CDH9: variants seen among roughly 807,000 people sequenced by gnomAD.
CDH9 encodes the protein cadherin 9.
In CDH9, 28 loss-of-function variants were observed where a neutral mutation model predicts 70.9. The ratio of observed to expected loss-of-function variants is 0.40; its 90% CI spans 0.29 to 0.54. The LOEUF (loss-of-function observed/expected upper bound fraction) is 0.54. Ranked by LOEUF, CDH9 falls within the 20% of genes least tolerant of loss-of-function variation. CDH9 has a pLI of 0.59. For missense variants in CDH9, 874 were observed against 984.4 expected, an observed-to-expected ratio of 0.89 and a Z score of 1.50; for synonymous variants, 409 against 343.1, an observed-to-expected ratio of 1.19 and a Z score of -2.12.
chr5:26,961,178 G>T (rs985913634), intron 2 of CDH9, among the ~76,000 whole-genome samples: 2 of 152,014 alleles, frequency 1.3e-5, no homozygotes, highest in Non-Finnish European at 2.9e-5. Flanking sequence ...TAAGCAACAA[G>T]GTGTTTTGAT....
chr5:26,960,780 G>A (rs540410621), intron 2 of CDH9, among the ~76,000 whole-genome samples: 10 of 142,404 alleles, frequency 7.0e-5, no homozygotes, highest in Non-Finnish European at 6.2e-5. Flanking sequence ...TTAGGTAAAA[G>A]TTTTCATTGT....
chr5:26,967,666 T>C (rs937196176), intron 2 of CDH9, among the ~76,000 whole-genome samples: 18 of 152,150 alleles, frequency 1.2e-4, no homozygotes, highest in Admixed American at 1.2e-3. Flanking sequence ...CAACATCCTA[T>C]TTTAAGTTAC....
At chr5:26,937,672 T>C (rs545330381) in intron 2 of CDH9, among the ~76,000 whole-genome samples, 136 of 152,150 alleles carry the variant, frequency 8.9e-4, no homozygotes, top group African/African-American at 3.1e-3. Context: ...TACAAAAATA[T>C]ATAGAAGGAA....
intron 1 of CDH9, among the ~76,000 whole-genome samples, chr5:27,009,227 G>A (rs1742916602): frequency 6.6e-6 from 1 of 152,056 alleles, no homozygotes; most frequent in South Asian, 2.1e-4. Flanking sequence ...GGAGGATCGG[G>A]GATAGTGAGA....
chr5:26,965,516 C>G (rs1742113559), intron 2 of CDH9, among the ~76,000 whole-genome samples: 1 of 151,416 alleles, frequency 6.6e-6, no homozygotes, highest in Non-Finnish European at 1.5e-5. Flanking sequence ...GCAGAGGTTA[C>G]AGTGAGTGGA....
In CDH9 at chr5:26,983,298, T is replaced by A. The variant is rs373673341; in HGVS notation, c.228+4808A>T. On this transcript the variant is annotated intron_variant, in intron 2 of 11. Coordinates refer to ENST00000231021, the MANE Select transcript of CDH9 (RefSeq NM_016279.4). ...TTTCCAAGAATACTAACGGACAATT[T>A]GAATTCAACTTAAGTGAATTTCAGT... Among the ~76,000 whole-genome samples the A allele has an allele frequency of 1.1e-4, 17 of 152,344 alleles. No individual in the cohort carries two copies. In the East Asian group the frequency reaches 1.5e-3, roughly 14 times the overall value.
At chr5:26,946,736 A>G (rs1277984118) in intron 2 of CDH9, among the ~76,000 whole-genome samples, 1 of 152,188 alleles carries the variant, frequency 6.6e-6, no homozygotes, top group Non-Finnish European at 1.5e-5. Flanking sequence ...AGGCCTTCTC[A>G]TGATTCTGTG....
intron 1 of CDH9, 28 bp from the exon 2 acceptor site, chr5:26,988,410 T>G: frequency 6.5e-7 from 1 of 1,537,424 alleles, no homozygotes; most frequent in Non-Finnish European, 8.7e-7. Context: ...AAAAAATGGC[T>G]GTATTAGCTT....
At chr5:26,917,017 C>T (rs1741160806) in intron 2 of CDH9, among the ~76,000 whole-genome samples, 3 of 151,846 alleles carry the variant, frequency 2.0e-5, no homozygotes, top group South Asian at 2.1e-4. Flanking sequence ...GGAGGCTGAT[C>T]ATTGAATATT....
intron 2 of CDH9, among the ~76,000 whole-genome samples, chr5:26,941,034 G>A (rs1741654196): frequency 6.6e-6 from 1 of 152,184 alleles, no homozygotes; most frequent in Non-Finnish European, 1.5e-5. Flanking sequence ...ATCACTGAAT[G>A]AGAAAATGAA....
intron 3 of CDH9, among the ~76,000 whole-genome samples, chr5:26,914,100 T>C (rs998027509): frequency 3.9e-5 from 6 of 152,152 alleles, no homozygotes; most frequent in Non-Finnish European, 8.8e-5. Context: ...CATATTCAAA[T>C]ATTTCCATTA....
chr5:26,975,830 A>C (rs956036865), intron 2 of CDH9, among the ~76,000 whole-genome samples: 3 of 152,174 alleles, frequency 2.0e-5, no homozygotes, highest in African/African-American at 7.2e-5. Flanking sequence ...ATTCCCAGTT[A>C]TGGGTAGTAG....
At chr5:27,020,522 ACTGAATTATTTTAAGTGATGTTATTAT>A (rs1459495978) in intron 1 of CDH9, among the ~76,000 whole-genome samples, 1 of 151,710 alleles carries the variant, frequency 6.6e-6, no homozygotes, top group Non-Finnish European at 1.5e-5. Flanking sequence ...TAGTGTTAGT[ACTGAATTATTTTAAGTGATGTTATTAT>A]AAGGTAAGAT....
intron 8 of CDH9, 131 bp downstream of exon 8, chr5:26,890,297 T>C: frequency 2.8e-6 from 2 of 724,798 alleles, no homozygotes; most frequent in Non-Finnish European, 4.7e-6. Flanking sequence ...TGTGTTGATA[T>C]TCTAAGCCAT....
intron 2 of CDH9, among the ~76,000 whole-genome samples, chr5:26,957,242 A>G (rs1741962259): frequency 6.6e-6 from 1 of 152,100 alleles, no homozygotes; most frequent in Non-Finnish European, 1.5e-5. Context: ...GAATTTTTTA[A>G]TCACATTTGT....
At chr5:27,007,483 A>G (rs533907096) in intron 1 of CDH9, among the ~76,000 whole-genome samples, 1 of 152,266 alleles carries the variant, frequency 6.6e-6, no homozygotes, top group African/African-American at 2.4e-5. Flanking sequence ...GATACATAAT[A>G]TAGTAATCAA....
At chr5:26,913,075 C>A (rs1017517348) in intron 3 of CDH9, among the ~76,000 whole-genome samples, 2 of 152,098 alleles carry the variant, frequency 1.3e-5, no homozygotes, top group Non-Finnish European at 2.9e-5. Context: ...ATTAAATCTC[C>A]TTTTCTTCCC....
intron 2 of CDH9, among the ~76,000 whole-genome samples, chr5:26,936,577 C>T (rs1741562452): frequency 6.6e-6 from 1 of 151,904 alleles, no homozygotes; most frequent in African/African-American, 2.4e-5. Flanking sequence ...GTAAAAAATT[C>T]AGAATAGCCA....
chr5:26,933,610 C>T (rs764523199), intron 2 of CDH9, among the ~76,000 whole-genome samples: 8 of 151,780 alleles, frequency 5.3e-5, no homozygotes, highest in Non-Finnish European at 1.0e-4. Flanking sequence ...TCCATCTCTA[C>T]TAAAAATACA....
Sources: allele counts gnomAD v4.1 joint callset (sites outside exome capture counted in the v4.1 genomes callset), GRCh38; gene constraint gnomAD v4.1.1; transcripts MANE v1.5; gene names NCBI Gene and HGNC (gene_info 2026-07-23, HGNC 2026-07-21).